Variants in TMEM268 observed in about 807,000 individuals in gnomAD.
TMEM268 encodes the protein transmembrane protein 268.
Under a neutral mutation model 39.1 loss-of-function variants are expected in TMEM268, and 24 were observed. That is an observed-to-expected ratio of 0.61 (90% CI 0.44 to 0.86). TMEM268 has a LOEUF of 0.86. Among genes scored for constraint, TMEM268 ranks in the 40% least tolerant of loss-of-function variants. The probability of loss-of-function intolerance (pLI) is 0.00; values close to 1 mark genes in which losing one functional copy is unlikely to be tolerated. For missense variants in TMEM268, 409 were observed against 428.6 expected, an observed-to-expected ratio of 0.95 and a Z score of 0.40; for synonymous variants, 176 against 173.5, an observed-to-expected ratio of 1.01 and a Z score of -0.12.
chr9:114,638,759 T>A, intron 8 of TMEM268, 33 bp downstream of exon 8: 1 of 1,487,234 alleles, frequency 6.7e-7, no homozygotes, highest in East Asian at 2.5e-5. Flanking sequence ...GGGGCCATCT[T>A]CCCTCGGGGG....
chr9:114,612,204 G>A (rs1433279789), intron 1 of TMEM268, among the ~76,000 whole-genome samples: 1 of 152,136 alleles, frequency 6.6e-6, no homozygotes, highest in Non-Finnish European at 1.5e-5. Flanking sequence ...GGGAGGCTGG[G>A]CACTCGGTGT....
chr9:114,639,860 C>A (rs372831042), intron 8 of TMEM268, among the ~76,000 whole-genome samples: 7 of 149,960 alleles, frequency 4.7e-5, no homozygotes, highest in African/African-American at 1.7e-4. Flanking sequence ...CCTAGGATTA[C>A]AGGCATGAGC....
At chr9:114,632,303 C>T (rs903617784) in intron 5 of TMEM268, among the ~76,000 whole-genome samples, 2 of 152,094 alleles carry the variant, frequency 1.3e-5, no homozygotes, top group East Asian at 1.9e-4. Flanking sequence ...GGGTTCAGAA[C>T]CCCTGGCCCT....
chr9:114,638,786 G>T lies in TMEM268; in HGVS notation c.849+60G>T. 3 of 1,333,370 alleles carry T rather than the reference G, an allele frequency of 2.2e-6. 1 individual carries two copies. In the South Asian group the frequency reaches 5.0e-5, roughly 22 times the overall value. 82.6% of individuals were successfully genotyped at this position (1,333,370 alleles called of 1,614,324 possible). Reference sequence around the variant, plus strand: ...CCTCGGGGGAATTTGCATAGAGAAAGCCTATGTGGGGGCTTCTTAGATTCC... The same window carrying T: ...CCTCGGGGGAATTTGCATAGAGAAATCCTATGTGGGGGCTTCTTAGATTCC... On this transcript the variant is annotated intron_variant, in intron 8 of 8. Coordinates refer to ENST00000288502, the MANE Select transcript of TMEM268 (RefSeq NM_153045.4).
At chr9:114,614,078 A>G (rs1395973607) in intron 1 of TMEM268, among the ~76,000 whole-genome samples, 1 of 152,186 alleles carries the variant, frequency 6.6e-6, no homozygotes. Flanking sequence ...AGACCTCTCT[A>G]TCCCCATTTT....
intron 5 of TMEM268, among the ~76,000 whole-genome samples, chr9:114,633,112 C>T (rs1475403080): frequency 6.6e-6 from 1 of 152,116 alleles, no homozygotes; most frequent in Non-Finnish European, 1.5e-5. Context: ...CCTCTCGCCT[C>T]ACCCTCCCAA....
chr9:114,611,717 G>T (rs1252687291), intron 1 of TMEM268, among the ~76,000 whole-genome samples, 153 bp downstream of exon 1: 2 of 152,138 alleles, frequency 1.3e-5, no homozygotes, highest in Non-Finnish European at 2.9e-5. Context: ...AGCCTGCGGG[G>T]GGTCCTTCGT....
At chr9:114,612,388 A>G (rs1845536596) in intron 1 of TMEM268, among the ~76,000 whole-genome samples, 1 of 152,188 alleles carries the variant, frequency 6.6e-6, no homozygotes, top group African/African-American at 2.4e-5. Context: ...TTTCCTGCTT[A>G]GTTGCAGGGG....
Position 114,626,958 on chromosome 9 carries a change from A to G in TMEM268, c.276A>G (p.Arg92=). ...AESALLEPQV[R]RYIIYNSRPM... is the part of the protein sequence containing the mutation. Reference sequence around the variant, plus strand: ...GTGCCCTCTTGGAGCCCCAAGTGAGAAGATATATCATCTACAACTCGAGGC... The same window carrying G: ...GTGCCCTCTTGGAGCCCCAAGTGAGGAGATATATCATCTACAACTCGAGGC... The change falls in exon 4 of 9, where the codon AGA becomes AGG. Residue 92 remains arginine (R), a synonymous_variant. Transcript: ENST00000288502. 1.2e-6 allele frequency: 2 copies of G among 1,613,736 alleles called. No homozygotes were observed. The highest frequency in any genetic ancestry group is 1.7e-6 in the Non-Finnish European group (2 of 1,179,708).
At chr9:114,606,009 A>C in the TMEM268 span, among the ~76,000 whole-genome samples, 11 of 151,902 alleles carry the variant, frequency 7.2e-5, no homozygotes, top group African/African-American at 1.2e-4. Context: ...TGATAAGTTT[A>C]GGAGAGAAAC....
intron 2 of TMEM268, among the ~76,000 whole-genome samples, chr9:114,619,295 A>G (rs1010660851): frequency 8.4e-4 from 29 of 34,698 alleles, no homozygotes; most frequent in Non-Finnish European, 1.4e-3. Flanking sequence ...GCACGCGTGC[A>G]CACACACACA....
intron 5 of TMEM268, among the ~76,000 whole-genome samples, chr9:114,632,615 A>G (rs1367312781): frequency 6.6e-6 from 1 of 152,118 alleles, no homozygotes; most frequent in Non-Finnish European, 1.5e-5. Flanking sequence ...GCCCCACCTG[A>G]GGGCCAGGCG....
chr9:114,632,859 A>G (rs2133681124), intron 5 of TMEM268, among the ~76,000 whole-genome samples: 1 of 152,324 alleles, frequency 6.6e-6, no homozygotes, highest in Middle Eastern at 3.4e-3. Flanking sequence ...TCTACAACTG[A>G]AGAAAATAAG....
intron 5 of TMEM268, among the ~76,000 whole-genome samples, chr9:114,632,562 C>T (rs1846448016): frequency 6.6e-6 from 1 of 152,172 alleles, no homozygotes; most frequent in Non-Finnish European, 1.5e-5. Context: ...GAATGCGTGG[C>T]GTCCATTGGT....
At chr9:114,631,374 C>T (rs1454754144) in intron 5 of TMEM268, among the ~76,000 whole-genome samples, 4 of 151,710 alleles carry the variant, frequency 2.6e-5, no homozygotes, top group African/African-American at 9.7e-5. Context: ...GTTCCAAGTT[C>T]CTACAAATAT....
At chr9:114,631,625 G>C (rs4246902) in intron 5 of TMEM268, among the ~76,000 whole-genome samples, 1 of 152,120 alleles carries the variant, frequency 6.6e-6, no homozygotes, top group South Asian at 2.1e-4. Flanking sequence ...GCAGTGAGAG[G>C]TACGTTAGGA....
intron 1 of TMEM268, among the ~76,000 whole-genome samples, chr9:114,611,788 G>A (rs970173999): frequency 1.3e-5 from 2 of 152,190 alleles, no homozygotes; most frequent in Admixed American, 6.5e-5. Flanking sequence ...AGCCTCCTGG[G>A]GGCCCGCGGT....
chr9:114,621,769 ACAT>A (rs1157084085), intron 2 of TMEM268, among the ~76,000 whole-genome samples: 1 of 152,098 alleles, frequency 6.6e-6, no homozygotes, highest in Non-Finnish European at 1.5e-5. Flanking sequence ...GTGGGGGAGA[ACAT>A]CATGTTCAGG....
chr9:114,636,903 C>T (rs1453214631), intron 6 of TMEM268, 87 bp from the exon 7 acceptor site: 13 of 787,336 alleles, frequency 1.7e-5, no homozygotes, highest in Non-Finnish European at 2.6e-5. Flanking sequence ...TGCCAGACAG[C>T]AGGCTAAATA....
Sources: allele counts gnomAD v4.1 joint callset (sites outside exome capture counted in the v4.1 genomes callset), GRCh38; gene constraint gnomAD v4.1.1; transcripts MANE v1.5; gene names NCBI Gene and HGNC (gene_info 2026-07-23, HGNC 2026-07-21).